HTT: variants seen among roughly 807,000 people sequenced by gnomAD.
HTT encodes the protein huntingtin.
HTT carries 104 observed loss-of-function variants against 362.3 expected under a neutral mutation model. The ratio of observed to expected loss-of-function variants is 0.29; its 90% CI spans 0.24 to 0.34. HTT has a LOEUF of 0.34. Ranked by LOEUF, HTT falls within the 10% of genes least tolerant of loss-of-function variation. The probability of loss-of-function intolerance (pLI) is 1.00; values close to 1 mark genes in which losing one functional copy is unlikely to be tolerated. For missense variants in HTT, 3,301 were observed against 3,928.6 expected (o/e 0.84, Z 4.27); for synonymous variants, 1,577 against 1,548.7 (o/e 1.02, Z -0.43).
intron 29 of HTT, among the ~76,000 whole-genome samples, chr4:3,165,569 T>A (rs1717660086): frequency 6.6e-6 from 1 of 152,174 alleles, no homozygotes; most frequent in Non-Finnish European, 1.5e-5. Flanking sequence ...AGATTTGGTC[T>A]TTTCACATAG....
Position 3,238,807 on chromosome 4 carries a change from G to C in HTT, c.9055-11G>C. On this transcript the variant is annotated splice_polypyrimidine_tract_variant and intron_variant, in intron 65 of 66. Coordinates refer to ENST00000355072, the MANE Select transcript of HTT (RefSeq NM_001388492.1). Reference sequence around the variant, plus strand: ...AGCCCTGACACTCAGGCACCTGCTTGCTCCTTGCAGGTGTTTCAGACTCTG... The same window carrying C: ...AGCCCTGACACTCAGGCACCTGCTTCCTCCTTGCAGGTGTTTCAGACTCTG... The C allele has an allele frequency of 6.3e-7, 1 of 1,579,902 alleles. No homozygotes were observed. The highest frequency in any genetic ancestry group is 1.4e-5 in the African/African-American group (1 of 73,310).
Position 3,132,866 on chromosome 4 carries a change from G to A in HTT, c.2448G>A (p.Lys816=). Residue 816 remains lysine, a synonymous_variant, in exon 18 of 67, where the codon AAG becomes AAA. Transcript: ENST00000355072. ...TTCCTTTGCTGCGGAAAACACTGAA[G>A]GATGAGTCTTCTGTTACTTGCAAGT... The part of the protein sequence containing the change: ...DCIPLLRKTL[K]DESSVTCKLA... 6.2e-7 allele frequency: 1 copy of A among 1,614,146 alleles called. No homozygotes were observed. Among genetic ancestry groups the A allele is most frequent in the Non-Finnish European group, 8.5e-7 (1 of 1,179,964 alleles).
At chr4:3,107,026 A>G (rs1198270807) in intron 5 of HTT, among the ~76,000 whole-genome samples, 3 of 152,214 alleles carry the variant, frequency 2.0e-5, no homozygotes, top group Non-Finnish European at 4.4e-5. Flanking sequence ...TGAGTGTTTT[A>G]AGAAGTATTA....
intron 42 of HTT, among the ~76,000 whole-genome samples, chr4:3,205,197 C>T (rs1419797989): frequency 6.6e-6 from 1 of 152,110 alleles, no homozygotes; most frequent in African/African-American, 2.4e-5. Flanking sequence ...AATCATACTA[C>T]TCAGAGATAA....
Position 3,132,298 on chromosome 4 carries a change from C to T in HTT, c.2237-264C>T, listed in dbSNP as rs141983069. Reference sequence around the variant, plus strand: ...TTTAAGTGGAATCTGGAATTTTAATCAGATTTATTATCTGACAACCTAGAA... The same window carrying T: ...TTTAAGTGGAATCTGGAATTTTAATTAGATTTATTATCTGACAACCTAGAA... On this transcript the variant is annotated intron_variant, in intron 16 of 66. Transcript: ENST00000355072. 4.9e-4 allele frequency among the ~76,000 whole-genome samples: 74 copies of T among 152,196 alleles called. No homozygotes were observed. In the East Asian group the frequency reaches 0.014, roughly 29 times the overall value.
chr4:3,127,549 A>T lies in HTT; in HGVS notation c.1688A>T (p.Gln563Leu). ...TCGTCGCCCATCAGCGACAGCTCCC[A>T]GACCACCACCGAAGGGCCTGATTCA... is the stretch of plus-strand genomic sequence containing the variant. Reference protein sequence around the residue: ...QASSPISDSSQTTTEGPDSAV... With the variant: ...QASSPISDSSLTTTEGPDSAV... The change falls in exon 12 of 67, where the codon CAG becomes CTG. Residue 563 changes from glutamine to leucine, a missense_variant. Coordinates refer to ENST00000355072, the MANE Select transcript of HTT (RefSeq NM_001388492.1). The T allele has an allele frequency of 6.2e-7, 1 of 1,614,154 alleles. No individual in the cohort carries two copies. Among genetic ancestry groups the T allele is most frequent in the Non-Finnish European group, 8.5e-7 (1 of 1,179,990 alleles).
At chr4:3,219,421 C>T (rs1578600386) in intron 52 of HTT, among the ~76,000 whole-genome samples, 1 of 152,166 alleles carries the variant, frequency 6.6e-6, no homozygotes, top group Admixed American at 6.5e-5. Flanking sequence ...TCCCTGAGTG[C>T]GGTCATCTGG....
intron 41 of HTT, among the ~76,000 whole-genome samples, chr4:3,202,838 C>A (rs9994689): frequency 0.019 from 2,871 of 152,120 alleles, 53 homozygotes; most frequent in Middle Eastern, 0.034. Context: ...CTAGCAAGAC[C>A]CCATCTCCAG....
chr4:3,209,606 C>T (rs1211500654), intron 46 of HTT, among the ~76,000 whole-genome samples: 1 of 152,122 alleles, frequency 6.6e-6, no homozygotes, highest in Non-Finnish European at 1.5e-5. Flanking sequence ...GGAAGTTCAC[C>T]AGGTGAAGGG....
intron 18 of HTT, among the ~76,000 whole-genome samples, chr4:3,133,722 A>G (rs1047790796): frequency 2.0e-5 from 3 of 152,186 alleles, no homozygotes; most frequent in African/African-American, 7.2e-5. Context: ...GTAAAAATTA[A>G]CTGGTAAAAA....
chr4:3,177,475 G>T, intron 34 of HTT, 88 bp downstream of exon 34: 1 of 854,820 alleles, frequency 1.2e-6, no homozygotes, highest in Non-Finnish European at 1.8e-6. Flanking sequence ...TTAAACTACT[G>T]TTAGGCATTT....
chr4:3,199,909 G>A lies in HTT; in HGVS notation c.5546G>A (p.Arg1849His), dbSNP rs1157072241. The change falls in exon 41 of 67, where the codon CGC becomes CAC. Residue 1849 changes from arginine (R) to histidine (H), a missense_variant. Transcript: ENST00000355072. ...ILLLVNHTDY[R>H]WWAEVQQTPK... Reference sequence around the variant, plus strand: ...CTGCTTGTCAACCACACCGACTACCGCTGGTGGGCAGAAGTGCAGCAGACC... The same window carrying A: ...CTGCTTGTCAACCACACCGACTACCACTGGTGGGCAGAAGTGCAGCAGACC... The A allele has an allele frequency of 1.9e-6, 3 of 1,614,024 alleles. No homozygotes were observed. The highest frequency in any genetic ancestry group is 2.2e-5 in the South Asian group (2 of 91,070).
chr4:3,094,933 G>A (rs1015470555), intron 2 of HTT, among the ~76,000 whole-genome samples: 5 of 151,788 alleles, frequency 3.3e-5, no homozygotes, highest in Non-Finnish European at 7.4e-5. Context: ...CAGACGGGGC[G>A]GCGGGGCAGA....
rs1487276202 is a variant in HTT, at chr4:3,127,430, T to C, written c.1569T>C (p.Asp523=). ...GTGACTTGACAAGCTCTGCCACTGA[T>C]GGGGATGAGGAGGATATCTTGAGCC... ...ASCDLTSSAT[D]GDEEDILSHS... The change falls in exon 12 of 67, where the codon GAT becomes GAC. Residue 523 remains aspartate, a synonymous_variant. Coordinates refer to ENST00000355072, the MANE Select transcript of HTT (RefSeq NM_001388492.1). 1.2e-6 allele frequency: 2 copies of C among 1,614,100 alleles called. No individual in the cohort carries two copies. Among genetic ancestry groups the C allele is most frequent in the Admixed American group, 1.7e-5 (1 of 60,010 alleles).
At position 3,083,263 on chromosome 4, in the gene HTT, G is replaced by A. The variant is rs139651313; in HGVS notation, c.264-3676G>A. Reference sequence around the variant, plus strand: ...TGGCTGGGCACAATGGTTCATGCCTGTAATACCAGTAGTTTGAGACGGTGT... The same window carrying A: ...TGGCTGGGCACAATGGTTCATGCCTATAATACCAGTAGTTTGAGACGGTGT... On this transcript the variant is annotated intron_variant, in intron 1 of 66. Transcript: ENST00000355072. 6.4e-4 allele frequency among the ~76,000 whole-genome samples: 98 copies of A among 152,274 alleles called. No individual in the cohort carries two copies. The East Asian group carries it at 0.01, about 16-fold the overall frequency.
chr4:3,074,925 CAGCAGCAGCAACA>C lies in HTT; in HGVS notation c.101_113del (p.Gln34ArgfsTer63). On this transcript the variant is annotated frameshift_variant, in exon 1 of 67. Transcript: ENST00000355072. LOFTEE classifies it high-confidence loss of function. Reference sequence around the variant, plus strand: ...GCAGCAGCAGCAGCAGCAGCAGCAGCAGCAGCAGCAACAGCCGCCACCGCCGCCGCCGCCGCCG... The same window carrying C: ...GCAGCAGCAGCAGCAGCAGCAGCAGCGCCGCCACCGCCGCCGCCGCCGCCG... The C allele has an allele frequency of 7.4e-7, 1 of 1,359,988 alleles. No individual in the cohort carries two copies. The highest frequency in any genetic ancestry group is 2.0e-5 in the African/African-American group (1 of 49,670). 84.2% of individuals were successfully genotyped at this position (1,359,988 alleles called of 1,614,324 possible). A position where few individuals can be genotyped will look rare whatever the true frequency, so the allele number is the denominator to read the frequency against.
intron 22 of HTT, among the ~76,000 whole-genome samples, chr4:3,141,241 C>G (rs1371403742): frequency 6.6e-6 from 1 of 152,184 alleles, no homozygotes; most frequent in Non-Finnish European, 1.5e-5. Flanking sequence ...AGTGATAAGA[C>G]TTGTGCTTTT....
intron 40 of HTT, among the ~76,000 whole-genome samples, chr4:3,196,732 C>T (rs6813958): frequency 0.036 from 5,364 of 150,650 alleles, 284 homozygotes; most frequent in African/African-American, 0.12. Context: ...GAGTGAGACC[C>T]TGTCTGAAAA....
intron 24 of HTT, among the ~76,000 whole-genome samples, chr4:3,146,178 G>C (rs971162413): frequency 6.6e-6 from 1 of 152,162 alleles, no homozygotes; most frequent in Non-Finnish European, 1.5e-5. Context: ...TTAATGCTCA[G>C]TCAGCACCTC....
Sources: gnomAD v4.1 joint callset for allele counts (sites outside exome capture counted in the v4.1 genomes callset) on GRCh38, gnomAD v4.1.1 for gene constraint, MANE v1.5 for transcripts, NCBI Gene and HGNC (gene_info 2026-07-23, HGNC 2026-07-21) for gene names.